SAMD5: variants seen among roughly 807,000 people sequenced by gnomAD.
The protein encoded by SAMD5 is sterile alpha motif domain containing 5.
In SAMD5, 13 loss-of-function variants were observed where a neutral mutation model predicts 11.3. The observed-to-expected ratio is 1.15, with a 90% CI of 0.75 to 1.83. The LOEUF (loss-of-function observed/expected upper bound fraction) is 1.83, where lower values mean the gene tolerates loss of function less well. Among genes scored for constraint, SAMD5 ranks in the 40% most tolerant of loss-of-function variants. The probability of loss-of-function intolerance (pLI) is 0.00; values close to 1 mark genes in which losing one functional copy is unlikely to be tolerated. For synonymous variants in SAMD5, 129 were observed against 111.3 expected, an observed-to-expected ratio of 1.16 and a Z score of -1.00; for missense variants, 255 against 239.1, an observed-to-expected ratio of 1.07 and a Z score of -0.44.
the SAMD5 span, among the ~76,000 whole-genome samples, chr6:147,869,426 C>A: frequency 1.1e-4 from 16 of 152,140 alleles, no homozygotes; most frequent in African/African-American, 3.1e-4. Flanking sequence ...TGTGGGCTCA[C>A]GTGGAGGCAG....
chr6:147,675,496 G>A (rs1015878916), intron 1 of SAMD5, among the ~76,000 whole-genome samples: 2 of 152,224 alleles, frequency 1.3e-5, no homozygotes, highest in African/African-American at 2.4e-5. Flanking sequence ...ACTCTTCAGT[G>A]ATGTCATCTC....
intron 1 of SAMD5, among the ~76,000 whole-genome samples, chr6:147,546,646 A>G (rs185924683): frequency 1.6e-4 from 24 of 152,290 alleles, no homozygotes; most frequent in African/African-American, 5.8e-4. Context: ...CCTGGGAACT[A>G]AAGCCTTTTT....
intron 1 of SAMD5, among the ~76,000 whole-genome samples, chr6:147,666,490 A>G (rs934339813): frequency 1.3e-5 from 2 of 152,048 alleles, no homozygotes; most frequent in African/African-American, 4.8e-5. Context: ...CTTCCTCCTC[A>G]GCTCCCTGTC....
At chr6:147,797,921 TA>T in the SAMD5 span, among the ~76,000 whole-genome samples, 6 of 151,314 alleles carry the variant, frequency 4.0e-5, no homozygotes, top group South Asian at 1.2e-3. Flanking sequence ...ATATCCCCTT[TA>T]TCATTTTTTA....
chr6:147,899,928 G>A, the SAMD5 span, among the ~76,000 whole-genome samples: 1 of 152,308 alleles, frequency 6.6e-6, no homozygotes, highest in African/African-American at 2.4e-5. Context: ...GGGAGAGACT[G>A]TCCAGCTCCA....
chr6:147,824,213 T>C, the SAMD5 span, among the ~76,000 whole-genome samples: 6 of 152,190 alleles, frequency 3.9e-5, no homozygotes, highest in Non-Finnish European at 5.9e-5. Context: ...CTTTGGAAAG[T>C]TGTGATAAAC....
chr6:147,806,035 C>T, the SAMD5 span, among the ~76,000 whole-genome samples: 1 of 152,040 alleles, frequency 6.6e-6, no homozygotes, highest in Non-Finnish European at 1.5e-5. Context: ...AGCAGGAAAC[C>T]ATTTGTGTGC....
At chr6:147,836,152 G>A in the SAMD5 span, among the ~76,000 whole-genome samples, 1 of 152,168 alleles carries the variant, frequency 6.6e-6, no homozygotes, top group Non-Finnish European at 1.5e-5. Flanking sequence ...AAGGCAGGCT[G>A]AACCCAGAAT....
chr6:147,936,574 G>T, the SAMD5 span, among the ~76,000 whole-genome samples: 1 of 152,024 alleles, frequency 6.6e-6, no homozygotes, highest in Non-Finnish European at 1.5e-5. Context: ...TGATCCAATC[G>T]CCTCCCACCA....
At chr6:147,526,316 G>A (rs909181329) in intron 1 of SAMD5, among the ~76,000 whole-genome samples, 1 of 152,210 alleles carries the variant, frequency 6.6e-6, no homozygotes, top group Non-Finnish European at 1.5e-5. Flanking sequence ...CCAAGAATGT[G>A]CAAAGCACTG....
chr6:147,769,093 G>T, the SAMD5 span, among the ~76,000 whole-genome samples: 1 of 152,296 alleles, frequency 6.6e-6, no homozygotes, highest in Non-Finnish European at 1.5e-5. Flanking sequence ...CACGCCTGCT[G>T]CCTCTGGCAT....
intron 1 of SAMD5, among the ~76,000 whole-genome samples, chr6:147,724,518 C>T (rs1054509559): frequency 1.3e-5 from 2 of 152,102 alleles, no homozygotes; most frequent in African/African-American, 4.8e-5. Context: ...ACTATGACAG[C>T]TTATGACAGA....
At chr6:147,885,628 GAA>G in the SAMD5 span, among the ~76,000 whole-genome samples, 1 of 152,012 alleles carries the variant, frequency 6.6e-6, no homozygotes, top group Non-Finnish European at 1.5e-5. Context: ...GAGCCACAAA[GAA>G]AAAGAGACTG....
chr6:147,537,663 A>G (rs922080147), intron 1 of SAMD5, among the ~76,000 whole-genome samples: 1 of 151,850 alleles, frequency 6.6e-6, no homozygotes, highest in Non-Finnish European at 1.5e-5. Flanking sequence ...CTGAGGCAGG[A>G]GAATGGCGGG....
chr6:147,798,639 CGTT>C, the SAMD5 span, among the ~76,000 whole-genome samples: 3 of 151,972 alleles, frequency 2.0e-5, no homozygotes, highest in African/African-American at 7.3e-5. Flanking sequence ...CTTTTTGTCT[CGTT>C]GATCTGTCTA....
At chr6:147,585,732 TG>T (rs1237885518) in intron 1 of SAMD5, among the ~76,000 whole-genome samples, 2 of 152,204 alleles carry the variant, frequency 1.3e-5, no homozygotes, top group Non-Finnish European at 2.9e-5. Flanking sequence ...TTCTGAGTTT[TG>T]GTCTTTAATT....
chr6:147,769,457 A>G, the SAMD5 span, among the ~76,000 whole-genome samples: 11 of 152,254 alleles, frequency 7.2e-5, no homozygotes, highest in African/African-American at 2.6e-4. Context: ...TTCCTCCCAA[A>G]CACACACATC....
the SAMD5 span, among the ~76,000 whole-genome samples, chr6:147,835,994 C>T: frequency 6.6e-6 from 1 of 152,232 alleles, no homozygotes; most frequent in Non-Finnish European, 1.5e-5. Flanking sequence ...GGCATTTCAC[C>T]TCTTGATTAC....
intron 1 of SAMD5, among the ~76,000 whole-genome samples, chr6:147,528,144 C>T (rs1025350835): frequency 2.6e-5 from 4 of 152,240 alleles, no homozygotes; most frequent in South Asian, 2.1e-4. Flanking sequence ...TACAATTTGA[C>T]ATGAGATTCA....
Sources: gnomAD v4.1 joint callset for allele counts (sites outside exome capture counted in the v4.1 genomes callset) on GRCh38, gnomAD v4.1.1 for gene constraint, MANE v1.5 for transcripts, NCBI Gene and HGNC (gene_info 2026-07-23, HGNC 2026-07-21) for gene names.